ZNF697: variants seen among roughly 807,000 people sequenced by gnomAD.
ZNF697 encodes the protein zinc finger protein 697.
In ZNF697, 23 loss-of-function variants were observed where a neutral mutation model predicts 32.4. The observed-to-expected ratio is 0.71, with a 90% confidence interval of 0.51 to 1.01. The LOEUF (loss-of-function observed/expected upper bound fraction) is 1.01, where lower values mean the gene tolerates loss of function less well. ZNF697 is among the 50% of genes least tolerant of loss of function. The probability of loss-of-function intolerance (pLI) is 0.00; values close to 1 mark genes in which losing one functional copy is unlikely to be tolerated. For synonymous variants in ZNF697, 418 were observed against 337.2 expected, an observed-to-expected ratio of 1.24 and a Z score of -2.62; for missense variants, 930 against 794.0, an observed-to-expected ratio of 1.17 and a Z score of -2.06.
At chr1:119,634,127 C>A (rs1648857101) in intron 1 of ZNF697, among the ~76,000 whole-genome samples, 1 of 152,214 alleles carries the variant, frequency 6.6e-6, no homozygotes, top group African/African-American at 2.4e-5. Context: ...GGCCAGGTGA[C>A]CTCAGGAAGT....
At chr1:119,638,529 C>T (rs989922035) in intron 1 of ZNF697, among the ~76,000 whole-genome samples, 2 of 152,188 alleles carry the variant, frequency 1.3e-5, no homozygotes, top group Admixed American at 1.3e-4. Context: ...TTGCTTAGCA[C>T]CCACAATATT....
chr1:119,640,577 C>T (rs1374117419), intron 1 of ZNF697, among the ~76,000 whole-genome samples: 1 of 152,220 alleles, frequency 6.6e-6, no homozygotes, highest in African/African-American at 2.4e-5. Flanking sequence ...TCCCTCCACT[C>T]CAAGGGTTTA....
chr1:119,647,378 C>G (rs1258007143), intron 1 of ZNF697, among the ~76,000 whole-genome samples: 1 of 152,192 alleles, frequency 6.6e-6, no homozygotes, highest in Non-Finnish European at 1.5e-5. Flanking sequence ...TGGAATGCCT[C>G]CCGGGGCTAG....
At chr1:119,644,041 T>C (rs1649144528) in intron 1 of ZNF697, among the ~76,000 whole-genome samples, 1 of 152,228 alleles carries the variant, frequency 6.6e-6, no homozygotes, top group Non-Finnish European at 1.5e-5. Context: ...AAGTCTACCA[T>C]ATGCCAGGTT....
intron 1 of ZNF697, among the ~76,000 whole-genome samples, chr1:119,627,891 C>T (rs887302627): frequency 1.3e-5 from 2 of 152,170 alleles, no homozygotes; most frequent in Admixed American, 6.5e-5. Flanking sequence ...TGACTACTGA[C>T]CCCAAATCAC....
At chr1:119,631,803 C>A (rs1648785880) in intron 1 of ZNF697, among the ~76,000 whole-genome samples, 1 of 152,120 alleles carries the variant, frequency 6.6e-6, no homozygotes, top group African/African-American at 2.4e-5. Flanking sequence ...CCACTCATCT[C>A]GAGGGTCCCT....
At chr1:119,626,430 G>A (rs587661210) in intron 1 of ZNF697, among the ~76,000 whole-genome samples, 28 of 152,264 alleles carry the variant, frequency 1.8e-4, no homozygotes, top group Non-Finnish European at 3.2e-4. Context: ...TAGTTTAACA[G>A]TGAACTAGAT....
Position 119,623,668 on chromosome 1 carries a change from G to A in ZNF697, c.675C>T (p.Phe225=). 5.4e-6 allele frequency: 7 copies of A among 1,299,052 alleles called. No homozygotes were observed. Among genetic ancestry groups the A allele is most frequent in the Non-Finnish European group, 7.0e-6 (7 of 999,260 alleles). The allele number at this position is 1,299,052 out of a possible 1,614,324, so 80.5% of individuals were successfully genotyped here. The change falls in exon 3 of 3, where the codon TTC becomes TTT. Residue 225 remains phenylalanine, a synonymous_variant. Transcript: ENST00000421812. Reference sequence around the variant, plus strand: ...TCGCGTCGCACTCGCCCGCCAGGCCGAAGGGCTCCAGGCTGGCGGCGGCAG... The same window carrying A: ...TCGCGTCGCACTCGCCCGCCAGGCCAAAGGGCTCCAGGCTGGCGGCGGCAG... ...EAAAAASLEP[F]GLAGECDAMV...
At chr1:119,647,482 C>A (rs75553948) in intron 1 of ZNF697, among the ~76,000 whole-genome samples, 6,881 of 152,242 alleles carry the variant, frequency 0.045, 197 homozygotes, top group Middle Eastern at 0.085. Context: ...AGCCCCAAAG[C>A]CGCTCATTTG....
chr1:119,623,291 C>G lies in ZNF697; in HGVS notation c.1052G>C (p.Arg351Pro). Residue 351 changes from arginine to proline, a missense_variant, in exon 3 of 3, where the codon CGG (arginine) becomes CCG (proline). Physicochemically the swap from Arg to Pro is moderately radical, Grantham distance 103. Transcript: ENST00000421812. ...GCCGCACTCCCCGCAGGCGAAGGGC[C>G]GCAGCGCCGCCGCCCCCGCGCCGCT... ...AASGAGAAAL[R>P]PFACGECGKG... The G allele has an allele frequency of 7.1e-7, 1 of 1,407,548 alleles. No individual in the cohort carries two copies. The highest frequency in any genetic ancestry group is 9.2e-7 in the Non-Finnish European group (1 of 1,085,222). The allele number at this position is 1,407,548 out of a possible 1,614,324, so 87.2% of individuals were successfully genotyped here. A position where few individuals can be genotyped will look rare whatever the true frequency, so the allele number is the denominator to read the frequency against.
At chr1:119,628,146 A>T (rs1225700254) in intron 1 of ZNF697, among the ~76,000 whole-genome samples, 1 of 152,132 alleles carries the variant, frequency 6.6e-6, no homozygotes, top group Non-Finnish European at 1.5e-5. Context: ...CTGTGTCAAT[A>T]AAGTCAAATA....
intron 1 of ZNF697, among the ~76,000 whole-genome samples, chr1:119,639,366 A>C (rs889162065): frequency 2.6e-4 from 40 of 152,146 alleles, no homozygotes; most frequent in Non-Finnish European, 2.8e-4. Flanking sequence ...GAAACCCCTA[A>C]GTGACTTGGT....
intron 1 of ZNF697, among the ~76,000 whole-genome samples, chr1:119,645,326 G>T (rs1318658396): frequency 6.6e-6 from 1 of 152,118 alleles, no homozygotes; most frequent in Non-Finnish European, 1.5e-5. Context: ...CTCCTTCTTT[G>T]ATTTATTCAT....
intron 1 of ZNF697, among the ~76,000 whole-genome samples, chr1:119,630,989 A>G (rs1648746866): frequency 6.6e-6 from 1 of 152,148 alleles, no homozygotes; most frequent in Non-Finnish European, 1.5e-5. Flanking sequence ...CAAATCCCCC[A>G]CTTTGGGGCT....
At chr1:119,628,083 TAAG>T (rs1447492087) in intron 1 of ZNF697, among the ~76,000 whole-genome samples, 1 of 131,126 alleles carries the variant, frequency 7.6e-6, no homozygotes, top group Non-Finnish European at 1.6e-5. Flanking sequence ...CGGGGGGAGT[TAAG>T]AGGGGATTAA....
At chr1:119,632,330 T>A (rs1648803336) in intron 1 of ZNF697, among the ~76,000 whole-genome samples, 1 of 152,158 alleles carries the variant, frequency 6.6e-6, no homozygotes, top group African/African-American at 2.4e-5. Flanking sequence ...GCCACCCAAG[T>A]GGCAGACTGC....
In ZNF697 at chr1:119,623,645, G is replaced by T. The variant is rs1299514521; in HGVS notation, c.698C>A (p.Ala233Glu). Residue 233 changes from alanine (A) to glutamate (E), a missense_variant, in exon 3 of 3, where the codon GCG becomes GAG. Physicochemically the swap from Ala to Glu is moderately radical, Grantham distance 107 (BLOSUM62 -1). Transcript: ENST00000421812. The part of the protein sequence containing the change: ...EPFGLAGECD[A>E]MVGMMGVGVA... ...ACCCACCCCCATCATGCCCACCATC[G>T]CGTCGCACTCGCCCGCCAGGCCGAA... 3.3e-6 allele frequency: 4 copies of T among 1,213,686 alleles called. No individual in the cohort carries two copies. The highest frequency in any genetic ancestry group is 4.3e-6 in the Non-Finnish European group (4 of 923,458). 75.2% of individuals were successfully genotyped at this position (1,213,686 alleles called of 1,614,324 possible).
At position 119,622,925 on chromosome 1, in the gene ZNF697, CGCTTCTCGCACTGGCCACAGCGGAAGG is replaced by C. The variant is rs1557933120; in HGVS notation, c.1391_1417del (p.Pro464_Lys472del). On this transcript the variant is annotated inframe_deletion, in exon 3 of 3. Coordinates refer to ENST00000421812, the MANE Select transcript of ZNF697 (RefSeq NM_001080470.2). ...CGTGAGCGTGGAGAAGTCGCTGAAG[CGCTTCTCGCACTGGCCACAGCGGAAGG>C]GCTTCTCGCCGGTGTGCACGCGCAG... 2 of 1,607,870 alleles carry C rather than the reference CGCTTCTCGCACTGGCCACAGCGGAAGG, an allele frequency of 1.2e-6. No individual in the cohort carries two copies. Among genetic ancestry groups the C allele is most frequent in the Admixed American group, 1.7e-5 (1 of 59,268 alleles).
rs770798929 is a variant in ZNF697, at chr1:119,626,046, C to G, written c.55G>C (p.Gly19Arg). The G allele has an allele frequency of 1.2e-6, 2 of 1,614,004 alleles. No individual in the cohort carries two copies. The highest frequency in any genetic ancestry group is 8.5e-7 in the Non-Finnish European group (1 of 1,179,894). The stretch of plus-strand genomic sequence containing the variant: ...GAGTCCTCAAAATCAGAACCCATCC[C>G]TTTGTCTTCTGAGTCCTGGTGTGCA... ...VCAHQDSEDKGMGSDFEDSED... is the reference protein window; with the variant it reads ...VCAHQDSEDKRMGSDFEDSED... Residue 19 changes from glycine to arginine, a missense_variant, in exon 2 of 3, where the codon GGG becomes CGG. By Grantham distance (125) the Gly-to-Arg change is moderately radical (BLOSUM62 -2). Coordinates refer to ENST00000421812, the MANE Select transcript of ZNF697 (RefSeq NM_001080470.2).
Sources: allele counts gnomAD v4.1 joint callset (sites outside exome capture counted in the v4.1 genomes callset), GRCh38; gene constraint gnomAD v4.1.1; transcripts MANE v1.5; gene names NCBI Gene and HGNC (gene_info 2026-07-23, HGNC 2026-07-21).